Variants in STYXL1 observed in about 807,000 individuals in gnomAD.
The protein encoded by STYXL1 is serine/threonine/tyrosine-interacting-like protein 1.
STYXL1 carries 32 observed loss-of-function variants against 36.4 expected under a neutral mutation model. The ratio of observed to expected loss-of-function variants is 0.88; its 90% CI spans 0.66 to 1.18. STYXL1 has a LOEUF of 1.18. Ranked by LOEUF, STYXL1 falls within the 50% of genes most tolerant of loss-of-function variation. The probability of loss-of-function intolerance (pLI) is 0.00; values close to 1 mark genes in which losing one functional copy is unlikely to be tolerated. For missense variants in STYXL1, 354 were observed against 394.1 expected (o/e 0.90, Z 0.86); for synonymous variants, 133 against 144.1 (o/e 0.92, Z 0.55).
intron 8 of STYXL1, 65 bp downstream of exon 8, chr7:76,000,825 G>A: frequency 6.9e-7 from 1 of 1,445,216 alleles, no homozygotes; most frequent in Non-Finnish European, 9.7e-7. Flanking sequence ...CTCCTCCCAG[G>A]TTGCGCTCTG....
intron 5 of STYXL1, among the ~76,000 whole-genome samples, chr7:76,006,697 G>A (rs1791808585): frequency 6.6e-6 from 1 of 151,582 alleles, no homozygotes; most frequent in Admixed American, 6.6e-5. Context: ...CTGGGAGGCG[G>A]AGCTTGCAGT....
chr7:76,005,283 T>C lies in STYXL1; in HGVS notation c.575A>G (p.Asn192Ser), dbSNP rs1791531901. 2 of 1,607,524 alleles carry C rather than the reference T, an allele frequency of 1.2e-6. No individual in the cohort carries two copies. Among genetic ancestry groups the C allele is most frequent in the Non-Finnish European group, 8.5e-7 (1 of 1,175,262 alleles). The change falls in exon 6 of 9, where the codon AAT (asparagine) becomes AGT (serine). Residue 192 changes from asparagine to serine, a missense_variant. Coordinates refer to ENST00000359697, the MANE Select transcript of STYXL1 (RefSeq NM_001317785.2). ...CAAGGGCCCTGTATCCATGGAGACA[T>C]TGACATGGGCTTTGATTTTCAAGTC... ...QKDLKIKAHV[N>S]VSMDTGPFFA...
chr7:76,006,830 A>G (rs958514622), intron 5 of STYXL1, among the ~76,000 whole-genome samples: 5 of 152,158 alleles, frequency 3.3e-5, no homozygotes, highest in African/African-American at 1.2e-4. Context: ...TTTGAAACAC[A>G]GACAAGGATT....
chr7:76,005,349 A>G lies in STYXL1; in HGVS notation c.509T>C (p.Val170Ala), dbSNP rs1268695769. The G allele has an allele frequency of 6.2e-7, 1 of 1,613,660 alleles. No individual in the cohort carries two copies. The change falls in exon 6 of 9, where the codon GTT becomes GCT. Residue 170 changes from valine to alanine, a missense_variant. Coordinates refer to ENST00000359697, the MANE Select transcript of STYXL1 (RefSeq NM_001317785.2). The stretch of plus-strand genomic sequence containing the variant: ...GTCACAGGCTTGACTGAAATTGCCA[A>G]CGAAGACCTTCCCTGGCACGATTTC... ...PIEIVPGKVF[V>A]GNFSQACDPK... is the part of the protein sequence containing the mutation.
chr7:76,009,561 C>T (rs1792294887), intron 5 of STYXL1, among the ~76,000 whole-genome samples: 1 of 152,152 alleles, frequency 6.6e-6, no homozygotes, highest in Non-Finnish European at 1.5e-5. Context: ...CAGGCATGTG[C>T]CACCACACCC....
chr7:76,026,192 C>CAAAA lies in STYXL1; in HGVS notation c.165+2446_165+2449dup, dbSNP rs1159067824. Among the ~76,000 whole-genome samples, 100 of 18,624 alleles carry CAAAA rather than the reference C, an allele frequency of 5.4e-3. 39 individuals are homozygous for CAAAA. Among genetic ancestry groups the CAAAA allele is most frequent in the African/African-American group, 5.7e-3 (24 of 4,216 alleles). 12.2% of individuals were successfully genotyped at this position (18,624 alleles called of 152,430 possible). ...GGAGGACAGAGCAAGACTCTGTCTC[C>CAAAA]AAAAAAAAAAAAAAAAAAAAAAAAA... On this transcript the variant is annotated intron_variant, in intron 3 of 8. Coordinates refer to ENST00000359697, the MANE Select transcript of STYXL1 (RefSeq NM_001317785.2).
Position 76,038,607 on chromosome 7 carries a change from T to TA in STYXL1, c.-4-8081dup, listed in dbSNP as rs1218175460. ...CGCCTGGCTTTTTTGTATTTTTTTT[T>TA]AGTAGAGACGGGGTTTCACCGTGTT... is the stretch of plus-strand genomic sequence containing the variant. On this transcript the variant is annotated intron_variant, in intron 1 of 8. Transcript: ENST00000359697. Among the ~76,000 whole-genome samples the TA allele has an allele frequency of 2.2e-3, 335 of 151,824 alleles. 1 individual carries two copies. The highest frequency in any genetic ancestry group is 7.8e-3 in the African/African-American group (322 of 41,390).
chr7:76,020,282 T>G (rs1793904956), intron 4 of STYXL1, among the ~76,000 whole-genome samples: 1 of 152,150 alleles, frequency 6.6e-6, no homozygotes, highest in East Asian at 1.9e-4. Flanking sequence ...GCTGGTTTTA[T>G]GAAAGGTGGG....
chr7:76,009,915 C>T (rs182890055), intron 5 of STYXL1, among the ~76,000 whole-genome samples: 1 of 152,274 alleles, frequency 6.6e-6, no homozygotes, highest in Non-Finnish European at 1.5e-5. Context: ...GCTACCCTAG[C>T]CACAACCCTG....
chr7:76,028,494 G>A, intron 3 of STYXL1, 148 bp downstream of exon 3: 1 of 690,284 alleles, frequency 1.4e-6, no homozygotes, highest in South Asian at 1.7e-5. Flanking sequence ...AATGTGTGAG[G>A]GTGAGAGGTG....
Position 76,038,765 on chromosome 7 carries a change from G to C in STYXL1, c.-4-8238C>G, listed in dbSNP as rs567577946. Among the ~76,000 whole-genome samples the C allele has an allele frequency of 2.8e-5, 4 of 144,316 alleles. No individual in the cohort carries two copies. In the South Asian group the frequency reaches 8.4e-4, roughly 30 times the overall value. The allele number at this position is 144,316 out of a possible 152,430, so 94.7% of individuals were successfully genotyped here. ...CCTCAAGGCGAGCTAACTAACTCTT[G>C]TCATATTTGGGTTACATTTTGTTTT... On this transcript the variant is annotated intron_variant, in intron 1 of 8. Transcript: ENST00000359697.
chr7:76,017,343 G>T (rs1793498131), intron 4 of STYXL1, among the ~76,000 whole-genome samples: 1 of 151,920 alleles, frequency 6.6e-6, no homozygotes, highest in East Asian at 1.9e-4. Context: ...TTTTTTAAAT[G>T]TGGTTAACAT....
intron 3 of STYXL1, among the ~76,000 whole-genome samples, chr7:76,027,030 T>C (rs1462862472): frequency 6.6e-6 from 1 of 151,080 alleles, no homozygotes; most frequent in African/African-American, 2.4e-5. Flanking sequence ...GCCACTGCAC[T>C]CCAGCCTGGG....
chr7:76,046,345 C>A (rs1451402240), intron 1 of STYXL1, among the ~76,000 whole-genome samples: 6 of 45,418 alleles, frequency 1.3e-4, no homozygotes, highest in African/African-American at 5.2e-4. Context: ...TGTGTGCGCG[C>A]GCGCGCGCGC....
Position 76,029,478 on chromosome 7 carries a change from A to G in STYXL1, c.104-775T>C, listed in dbSNP as rs940493547. On this transcript the variant is annotated intron_variant, in intron 2 of 8. Transcript: ENST00000359697. ...CAGCTTTCTAAAGCAGCGATCCCCA[A>G]TCTTTTTGGCACCAGGGACTGGTTT... Among the ~76,000 whole-genome samples, 8 of 152,084 alleles carry G rather than the reference A, an allele frequency of 5.3e-5. 1 individual carries two copies. Among genetic ancestry groups the G allele is most frequent in the African/African-American group, 4.8e-5 (2 of 41,494 alleles).
At chr7:76,014,425 C>A (rs1320358138) in intron 4 of STYXL1, among the ~76,000 whole-genome samples, 1 of 151,914 alleles carries the variant, frequency 6.6e-6, no homozygotes, top group Non-Finnish European at 1.5e-5. Flanking sequence ...AATCTCGGCT[C>A]ACTGCAACCT....
intron 1 of STYXL1, among the ~76,000 whole-genome samples, chr7:76,034,058 G>A (rs184711490): frequency 4.6e-5 from 7 of 152,292 alleles, no homozygotes; most frequent in African/African-American, 1.4e-4. Flanking sequence ...AAGCAGGGAG[G>A]AAATACTCAG....
chr7:75,996,622 T>A (rs1349768573), intron 8 of STYXL1, 23 bp from the exon 9 acceptor site: 3 of 1,612,698 alleles, frequency 1.9e-6, no homozygotes, highest in Non-Finnish European at 2.5e-6. Context: ...AGAGAGAAAG[T>A]GAACTTCACG....
At chr7:76,047,366 AG>A (rs1163058968) in intron 1 of STYXL1, among the ~76,000 whole-genome samples, 2 of 152,234 alleles carry the variant, frequency 1.3e-5, no homozygotes, top group Non-Finnish European at 2.9e-5. Context: ...CCTCAGCCAC[AG>A]TGTCTTTATT....
Sources: gnomAD v4.1 joint callset for allele counts (sites outside exome capture counted in the v4.1 genomes callset) on GRCh38, gnomAD v4.1.1 for gene constraint, MANE v1.5 for transcripts, NCBI Gene and HGNC (gene_info 2026-07-23, HGNC 2026-07-21) for gene names.